Variants in PTPRD observed in about 807,000 individuals in gnomAD.
The protein encoded by PTPRD is protein tyrosine phosphatase receptor type D, also known as receptor-type tyrosine-protein phosphatase delta.
PTPRD carries 34 observed loss-of-function variants against 214.5 expected under a neutral mutation model. That is an observed-to-expected ratio of 0.16 (90% CI 0.12 to 0.21). PTPRD has a LOEUF of 0.21. Ranked by LOEUF, PTPRD falls within the 10% of genes least tolerant of loss-of-function variation. The probability of loss-of-function intolerance (pLI) is 1.00; values close to 1 mark genes in which losing one functional copy is unlikely to be tolerated. For missense variants in PTPRD, 2,545 were observed against 2,398.7 expected (o/e 1.06, Z -1.27); for synonymous variants, 1,128 against 845.7 (o/e 1.33, Z -5.79).
intron 11 of PTPRD, among the ~76,000 whole-genome samples, chr9:9,014,818 G>C (rs1432733123): frequency 2.0e-5 from 3 of 152,078 alleles, no homozygotes; most frequent in African/African-American, 7.2e-5. Context: ...ACACACTTAA[G>C]ACTCAATCAT....
chr9:8,916,929 A>T (rs2098790194), intron 11 of PTPRD, among the ~76,000 whole-genome samples: 1 of 152,152 alleles, frequency 6.6e-6, no homozygotes, highest in Non-Finnish European at 1.5e-5. Context: ...TCCAAAGCAA[A>T]CAGTGCACAT....
intron 2 of PTPRD, among the ~76,000 whole-genome samples, chr9:10,585,753 G>C (rs1246611845): frequency 6.6e-6 from 1 of 151,646 alleles, no homozygotes; most frequent in Admixed American, 6.6e-5. Context: ...ACACACAAGT[G>C]TGTGGGGGGA....
At chr9:9,331,822 T>C (rs1472408456) in intron 9 of PTPRD, among the ~76,000 whole-genome samples, 1 of 151,978 alleles carries the variant, frequency 6.6e-6, no homozygotes, top group African/African-American at 2.4e-5. Flanking sequence ...TGGGGCTGTT[T>C]TGGGGCTTGG....
Position 10,317,150 on chromosome 9 carries a change from G to A in PTPRD, c.-545+23813C>T, listed in dbSNP as rs867190137. Among the ~76,000 whole-genome samples, 5 of 151,964 alleles carry A rather than the reference G, an allele frequency of 3.3e-5. 1 individual carries two copies. The Middle Eastern group carries it at 0.01, about 310-fold the overall frequency. ...TTTTGAGCAATATAGAAACACTAAT[G>A]CAAAAACCTAGCCTATATAAAGCAT... On this transcript the variant is annotated intron_variant, in intron 3 of 45. Coordinates refer to ENST00000381196, the MANE Select transcript of PTPRD (RefSeq NM_002839.4).
chr9:9,653,290 C>A (rs573796089), intron 7 of PTPRD, among the ~76,000 whole-genome samples: 10 of 123,076 alleles, frequency 8.1e-5, no homozygotes, highest in Non-Finnish European at 1.3e-4. Flanking sequence ...TGCAGTGAGC[C>A]GAGATTGCGC....
chr9:9,848,243 A>C (rs1406435902), intron 5 of PTPRD, among the ~76,000 whole-genome samples: 1 of 152,164 alleles, frequency 6.6e-6, no homozygotes, highest in Non-Finnish European at 1.5e-5. Flanking sequence ...CAGATTCCCC[A>C]GTACTGCTTC....
chr9:9,996,014 C>T (rs1433799548), intron 4 of PTPRD, among the ~76,000 whole-genome samples: 2 of 151,950 alleles, frequency 1.3e-5, no homozygotes, highest in Non-Finnish European at 2.9e-5. Flanking sequence ...AATATTTTGC[C>T]ATTTCATTTT....
intron 3 of PTPRD, among the ~76,000 whole-genome samples, chr9:10,299,923 T>G (rs909669261): frequency 1.3e-5 from 2 of 152,216 alleles, no homozygotes; most frequent in Admixed American, 6.5e-5. Flanking sequence ...GTGTCATTGC[T>G]CTCATATAGA....
chr9:9,242,670 G>A (rs1027500633), intron 9 of PTPRD, among the ~76,000 whole-genome samples: 4 of 152,106 alleles, frequency 2.6e-5, no homozygotes, highest in African/African-American at 9.7e-5. Context: ...CGTAGTTCTT[G>A]TGCCATGGTT....
chr9:9,787,212 A>G (rs2098931316), intron 5 of PTPRD, among the ~76,000 whole-genome samples: 1 of 151,884 alleles, frequency 6.6e-6, no homozygotes. Context: ...TTTATAAAAT[A>G]TTTCATTAAA....
chr9:8,332,379 G>A (rs1018006646), intron 43 of PTPRD, among the ~76,000 whole-genome samples: 8 of 152,238 alleles, frequency 5.3e-5, no homozygotes, highest in African/African-American at 1.9e-4. Context: ...AGGGGACATA[G>A]CATGAACCAT....
At chr9:8,853,821 T>C (rs372941080) in intron 11 of PTPRD, among the ~76,000 whole-genome samples, 2 of 152,292 alleles carry the variant, frequency 1.3e-5, no homozygotes, top group South Asian at 4.1e-4. Flanking sequence ...AGCTGCCTCT[T>C]TGCCATCACA....
At chr9:8,726,759 C>T (rs1238848467) in intron 12 of PTPRD, among the ~76,000 whole-genome samples, 1 of 141,774 alleles carries the variant, frequency 7.1e-6, no homozygotes, top group African/African-American at 2.6e-5. Flanking sequence ...CAACATGGTG[C>T]CACTGCACTC....
chr9:10,236,116 A>G (rs916944533), intron 3 of PTPRD, among the ~76,000 whole-genome samples: 3 of 151,928 alleles, frequency 2.0e-5, no homozygotes, highest in African/African-American at 7.2e-5. Flanking sequence ...GTTTTTTACT[A>G]TAACTAATTT....
chr9:9,522,549 A>G (rs2097009979), intron 8 of PTPRD, among the ~76,000 whole-genome samples: 1 of 152,164 alleles, frequency 6.6e-6, no homozygotes, highest in Non-Finnish European at 1.5e-5. Context: ...TCTGCAGAGT[A>G]GGTCTTAGAA....
chr9:9,451,054 A>T (rs2092029956), intron 8 of PTPRD, among the ~76,000 whole-genome samples: 1 of 151,762 alleles, frequency 6.6e-6, no homozygotes, highest in Admixed American at 6.6e-5. Context: ...AAAAGTCCAC[A>T]GAGGTCAAAG....
chr9:8,464,478 G>T (rs1045746397), intron 32 of PTPRD, among the ~76,000 whole-genome samples: 1 of 151,838 alleles, frequency 6.6e-6, no homozygotes, highest in Non-Finnish European at 1.5e-5. Context: ...TTTTCCACGG[G>T]GGAATTCTTT....
intron 5 of PTPRD, among the ~76,000 whole-genome samples, chr9:9,926,557 T>C (rs775253858): frequency 6.6e-6 from 1 of 152,064 alleles, no homozygotes; most frequent in African/African-American, 2.4e-5. Context: ...CCAAACTCTA[T>C]GATTTAAAAT....
chr9:10,181,310 A>C (rs1593333490), intron 3 of PTPRD, among the ~76,000 whole-genome samples: 1 of 152,284 alleles, frequency 6.6e-6, no homozygotes, highest in African/African-American at 2.4e-5. Context: ...ATTCTAACAT[A>C]ATAAAGGCTA....
Sources: gnomAD v4.1 joint callset for allele counts (sites outside exome capture counted in the v4.1 genomes callset) on GRCh38, gnomAD v4.1.1 for gene constraint, MANE v1.5 for transcripts, NCBI Gene and HGNC (gene_info 2026-07-23, HGNC 2026-07-21) for gene names.